Variants in PITPNC1 observed in about 807,000 individuals in gnomAD.
PITPNC1 encodes the protein cytoplasmic phosphatidylinositol transfer protein 1.
Under a neutral mutation model 44.7 loss-of-function variants are expected in PITPNC1, and 18 were observed. The ratio of observed to expected loss-of-function variants is 0.40; its 90% CI spans 0.28 to 0.60. The LOEUF is 0.60. Among genes scored for constraint, PITPNC1 ranks in the 20% least tolerant of loss-of-function variants. The pLI is 0.39. For synonymous variants in PITPNC1, 141 were observed against 149.6 expected, an observed-to-expected ratio of 0.94 and a Z score of 0.42; for missense variants, 290 against 418.4, an observed-to-expected ratio of 0.69 and a Z score of 2.68.
chr17:67,608,855 G>A (rs1375418914), intron 5 of PITPNC1, among the ~76,000 whole-genome samples: 2 of 151,606 alleles, frequency 1.3e-5, no homozygotes, highest in Non-Finnish European at 2.9e-5. Context: ...AACACTGGCT[G>A]GTTTTGTGCA....
chr17:67,687,296 C>T (rs2042834786), intron 8 of PITPNC1: 1 of 644,618 alleles, frequency 1.6e-6, no homozygotes, highest in Non-Finnish European at 2.8e-6. Context: ...AACATGTCGT[C>T]ACCCAGACCC....
At chr17:67,627,130 G>A (rs984513379) in intron 5 of PITPNC1, among the ~76,000 whole-genome samples, 1 of 152,206 alleles carries the variant, frequency 6.6e-6, no homozygotes, top group Non-Finnish European at 1.5e-5. Flanking sequence ...ACAGGCGCCT[G>A]TAATCCCAGC....
chr17:67,673,594 C>T (rs1224564869), intron 7 of PITPNC1, among the ~76,000 whole-genome samples: 1 of 152,108 alleles, frequency 6.6e-6, no homozygotes, highest in Non-Finnish European at 1.5e-5. Flanking sequence ...TCTTCTATTA[C>T]ATGAAAGTCA....
intron 1 of PITPNC1, among the ~76,000 whole-genome samples, chr17:67,459,025 G>C (rs2143967621): frequency 6.6e-6 from 1 of 151,508 alleles, no homozygotes; most frequent in South Asian, 2.1e-4. Context: ...CTGTACCAGG[G>C]GATGATTTTT....
intron 8 of PITPNC1, among the ~76,000 whole-genome samples, chr17:67,685,361 A>C (rs2042793863): frequency 6.6e-6 from 1 of 152,224 alleles, no homozygotes; most frequent in African/African-American, 2.4e-5. Context: ...TTCTGCATAA[A>C]ATAGACCAGG....
chr17:67,393,002 C>T lies in PITPNC1; in HGVS notation c.48+14800C>T, dbSNP rs190631536. On this transcript the variant is annotated intron_variant, in intron 1 of 8. Transcript: ENST00000581322. ...AAAGTTAGCCGGGCATGGTGGTGCA[C>T]GCCTGTGACCCCAGCTACTCAGGAG... Among the ~76,000 whole-genome samples, 12 of 151,934 alleles carry T rather than the reference C, an allele frequency of 7.9e-5. No homozygotes were observed. In the East Asian group the frequency reaches 9.7e-4, roughly 12 times the overall value.
intron 5 of PITPNC1, among the ~76,000 whole-genome samples, chr17:67,599,121 G>A (rs1225099915): frequency 6.9e-6 from 1 of 145,674 alleles, no homozygotes; most frequent in Non-Finnish European, 1.5e-5. Flanking sequence ...GCCTCCCAGA[G>A]TGCTGGGATT....
intron 5 of PITPNC1, among the ~76,000 whole-genome samples, chr17:67,590,189 G>T (rs983776872): frequency 1.3e-5 from 2 of 152,136 alleles, no homozygotes; most frequent in African/African-American, 4.8e-5. Context: ...AATCAACAGG[G>T]ATTAGGCAGG....
chr17:67,511,477 G>C (rs934290953), intron 1 of PITPNC1, among the ~76,000 whole-genome samples: 1 of 152,076 alleles, frequency 6.6e-6, no homozygotes, highest in African/African-American at 2.4e-5. Flanking sequence ...GTGGACCGAG[G>C]TCGGTTCCCT....
chr17:67,692,049 CTGA>C (rs906288879), intron 8 of PITPNC1, among the ~76,000 whole-genome samples: 2 of 151,976 alleles, frequency 1.3e-5, no homozygotes, highest in African/African-American at 4.8e-5. Flanking sequence ...TTGAAAAATC[CTGA>C]TGATTTACCT....
At chr17:67,522,268 CATTCCAGCCTGGGAGAGAGAGTGAA>C (rs1189094272) in intron 1 of PITPNC1, among the ~76,000 whole-genome samples, 1 of 151,982 alleles carries the variant, frequency 6.6e-6, no homozygotes, top group Non-Finnish European at 1.5e-5. Flanking sequence ...CACACCACTG[CATTCCAGCCTGGGAGAGAGAGTGAA>C]ACTCCATCCC....
chr17:67,595,574 A>G (rs1281549913), intron 5 of PITPNC1, among the ~76,000 whole-genome samples: 1 of 152,100 alleles, frequency 6.6e-6, no homozygotes. Flanking sequence ...CGCTGAAATC[A>G]TTGCTTCCAT....
intron 1 of PITPNC1, among the ~76,000 whole-genome samples, chr17:67,530,342 C>T (rs1273999977): frequency 6.6e-6 from 1 of 151,998 alleles, no homozygotes. Flanking sequence ...CTGCCCACCT[C>T]AGCCTCCCAA....
intron 1 of PITPNC1, among the ~76,000 whole-genome samples, chr17:67,414,397 T>G (rs2038555094): frequency 6.6e-6 from 1 of 152,172 alleles, no homozygotes; most frequent in African/African-American, 2.4e-5. Flanking sequence ...ACATACAACA[T>G]GCAAGAAGTT....
intron 5 of PITPNC1, among the ~76,000 whole-genome samples, chr17:67,623,247 C>T (rs1016774629): frequency 6.6e-6 from 1 of 152,160 alleles, no homozygotes; most frequent in African/African-American, 2.4e-5. Context: ...TAATCAGCCA[C>T]CTCTACCTTG....
chr17:67,671,577 AT>A (rs2042512481), intron 7 of PITPNC1, among the ~76,000 whole-genome samples: 1 of 152,184 alleles, frequency 6.6e-6, no homozygotes. Context: ...TTGAACCCTC[AT>A]AACTCAGGCT....
At chr17:67,590,064 G>A (rs2041370486) in intron 5 of PITPNC1, among the ~76,000 whole-genome samples, 1 of 152,134 alleles carries the variant, frequency 6.6e-6, no homozygotes, top group Admixed American at 6.6e-5. Context: ...GTGGGGGTGT[G>A]TGGAAACGGG....
At chr17:67,611,174 C>G (rs1395260590) in intron 5 of PITPNC1, 4 of 152,118 alleles carry the variant, frequency 2.6e-5, no homozygotes, top group Non-Finnish European at 4.4e-5. Context: ...AGAAGAAGGT[C>G]TGAGGGATGC....
intron 1 of PITPNC1, among the ~76,000 whole-genome samples, chr17:67,504,332 AAC>A (rs1394559132): frequency 2.6e-5 from 4 of 152,180 alleles, no homozygotes; most frequent in African/African-American, 4.8e-5. Flanking sequence ...GTGTAAACAA[AAC>A]ACACAAAAAA....
Sources: allele counts gnomAD v4.1 joint callset (sites outside exome capture counted in the v4.1 genomes callset), GRCh38; gene constraint gnomAD v4.1.1; transcripts MANE v1.5; gene names NCBI Gene and HGNC (gene_info 2026-07-23, HGNC 2026-07-21).